FSTL4: variants seen among roughly 807,000 people sequenced by gnomAD.
FSTL4 encodes follistatin-related protein 4.
A neutral mutation model predicts 78.2 loss-of-function variants in FSTL4; 28 were observed. That is an observed-to-expected ratio of 0.36 (90% CI 0.27 to 0.49). FSTL4 has a LOEUF of 0.49. FSTL4 is among the 20% of genes least tolerant of loss of function. FSTL4 has a pLI of 0.98. For synonymous variants in FSTL4, 422 were observed against 440.5 expected, an observed-to-expected ratio of 0.96 and a Z score of 0.53; for missense variants, 922 against 1,084.9, an observed-to-expected ratio of 0.85 and a Z score of 2.11.
intron 4 of FSTL4, among the ~76,000 whole-genome samples, chr5:133,390,747 C>T (rs1755828172): frequency 6.6e-6 from 1 of 152,234 alleles, no homozygotes; most frequent in Non-Finnish European, 1.5e-5. Context: ...CATTTACTCT[C>T]CCCTGGGTCA....
At chr5:133,266,052 C>T (rs1752633612) in intron 6 of FSTL4, among the ~76,000 whole-genome samples, 1 of 152,166 alleles carries the variant, frequency 6.6e-6, no homozygotes. Flanking sequence ...TAAGCCCTCG[C>T]TAAGGGTGAG....
the FSTL4 span, among the ~76,000 whole-genome samples, chr5:133,636,691 A>C: frequency 2.6e-5 from 4 of 152,062 alleles, no homozygotes; most frequent in Non-Finnish European, 5.9e-5. Context: ...CTATGTAAAT[A>C]TTTGCTGTTA....
intron 3 of FSTL4, among the ~76,000 whole-genome samples, chr5:133,422,567 A>G (rs1166611686): frequency 6.6e-6 from 1 of 152,128 alleles, no homozygotes. Flanking sequence ...AGGAAAAAAA[A>G]AAATCAAAGA....
At chr5:133,613,746 A>G (rs971326694), upstream of FSTL4, among the ~76,000 whole-genome samples, 3 of 152,162 alleles carry the variant, frequency 2.0e-5, no homozygotes, top group Non-Finnish European at 4.4e-5. Flanking sequence ...TCGTATCTCT[A>G]CTGTAGGTAT....
the FSTL4 span, among the ~76,000 whole-genome samples, chr5:133,709,222 G>A: frequency 1.3e-5 from 2 of 152,222 alleles, no homozygotes; most frequent in South Asian, 2.1e-4. Context: ...AGAAGATGGG[G>A]AGGAAATGAA....
upstream of FSTL4, among the ~76,000 whole-genome samples, chr5:133,614,492 C>T (rs934652633): frequency 6.6e-6 from 1 of 152,110 alleles, no homozygotes; most frequent in East Asian, 1.9e-4. Context: ...AAAGTCACCT[C>T]GGAATGAGAA....
intron 6 of FSTL4, among the ~76,000 whole-genome samples, chr5:133,310,590 C>G (rs1452433067): frequency 6.6e-6 from 1 of 152,194 alleles, no homozygotes; most frequent in Non-Finnish European, 1.5e-5. Context: ...TGCTATGGTA[C>G]CAGGCACCAA....
chr5:133,575,823 C>A (rs1004322181), intron 2 of FSTL4, among the ~76,000 whole-genome samples: 1 of 152,186 alleles, frequency 6.6e-6, no homozygotes, highest in Non-Finnish European at 1.5e-5. Flanking sequence ...ATTTCTTTAA[C>A]TAAAAATCTA....
intron 3 of FSTL4, among the ~76,000 whole-genome samples, chr5:133,416,327 T>C (rs1756580855): frequency 6.6e-6 from 1 of 152,180 alleles, no homozygotes; most frequent in African/African-American, 2.4e-5. Context: ...AACAAATAAA[T>C]GGGGACAAGA....
chr5:133,395,330 A>G (rs1295603801), intron 4 of FSTL4, among the ~76,000 whole-genome samples: 1 of 152,062 alleles, frequency 6.6e-6, no homozygotes, highest in Non-Finnish European at 1.5e-5. Flanking sequence ...ACAACTCCAG[A>G]CGCGCCGCCT....
At chr5:133,407,799 C>G (rs1756395517) in intron 3 of FSTL4, among the ~76,000 whole-genome samples, 1 of 152,208 alleles carries the variant, frequency 6.6e-6, no homozygotes, top group Non-Finnish European at 1.5e-5. Flanking sequence ...ACACCAAACA[C>G]AAGTGCCAAA....
chr5:133,379,282 G>C (rs1216167584), intron 4 of FSTL4, among the ~76,000 whole-genome samples: 1 of 149,368 alleles, frequency 6.7e-6, no homozygotes, highest in Non-Finnish European at 1.5e-5. Flanking sequence ...CAGAACTAAA[G>C]AAAGAAATAG....
chr5:133,415,617 G>A (rs1004002976), intron 3 of FSTL4, among the ~76,000 whole-genome samples: 3 of 152,078 alleles, frequency 2.0e-5, no homozygotes, highest in Non-Finnish European at 1.5e-5. Flanking sequence ...GGGGGTCAAA[G>A]CCACCACGAG....
At chr5:133,712,334 G>T in the FSTL4 span, among the ~76,000 whole-genome samples, 1 of 152,188 alleles carries the variant, frequency 6.6e-6, no homozygotes, top group African/African-American at 2.4e-5. Context: ...AGGCCTGTGG[G>T]GTTGGAAGGA....
intron 4 of FSTL4, among the ~76,000 whole-genome samples, chr5:133,340,994 C>T (rs371705788): frequency 1.3e-5 from 2 of 152,038 alleles, no homozygotes; most frequent in East Asian, 3.9e-4. Context: ...GCTTCAAAAC[C>T]ACCCCAAGGC....
Position 133,583,466 on chromosome 5 carries a change from G to A in FSTL4, c.127-16247C>T, listed in dbSNP as rs565838239. The stretch of plus-strand genomic sequence containing the variant: ...CACCGTGCGCGAGCCGAAGCAGGGC[G>A]AGGCATTGCCTCACCTGGGAAGCGC... On this transcript the variant is annotated intron_variant, in intron 2 of 15. Coordinates refer to ENST00000265342, the MANE Select transcript of FSTL4 (RefSeq NM_015082.2). 3.3e-5 allele frequency: 7 copies of A among 214,302 alleles called. No homozygotes were observed. In the Admixed American group the frequency reaches 4.2e-4, roughly 13 times the overall value. 13.3% of individuals were successfully genotyped at this position (214,302 alleles called of 1,614,324 possible). A position where few individuals can be genotyped will look rare whatever the true frequency, so the allele number is the denominator to read the frequency against.
chr5:133,399,864 C>T (rs1358167524), intron 4 of FSTL4, among the ~76,000 whole-genome samples: 2 of 152,222 alleles, frequency 1.3e-5, no homozygotes, highest in Non-Finnish European at 2.9e-5. Context: ...CTGTCTTCTA[C>T]ACACTTCCTA....
intron 2 of FSTL4, among the ~76,000 whole-genome samples, chr5:133,575,639 C>T (rs1186212107): frequency 2.0e-5 from 3 of 152,128 alleles, no homozygotes; most frequent in Non-Finnish European, 2.9e-5. Flanking sequence ...CTTTCCAGTG[C>T]TTAAAAAAGC....
intron 14 of FSTL4, among the ~76,000 whole-genome samples, chr5:133,204,402 T>C (rs898724280): frequency 5.3e-5 from 8 of 152,320 alleles, no homozygotes; most frequent in South Asian, 2.1e-4. Context: ...TTTAATCTCT[T>C]GCAAATACAA....
Sources: allele counts gnomAD v4.1 joint callset (sites outside exome capture counted in the v4.1 genomes callset), GRCh38; gene constraint gnomAD v4.1.1; transcripts MANE v1.5; gene names NCBI Gene and HGNC (gene_info 2026-07-23, HGNC 2026-07-21).